Variants in KAZN observed in about 807,000 individuals in gnomAD.
KAZN encodes the protein kazrin.
Under a neutral mutation model 87.4 loss-of-function variants are expected in KAZN, and 40 were observed. The observed-to-expected ratio is 0.46, with a 90% CI of 0.36 to 0.60. The LOEUF is 0.60. Ranked by LOEUF, KAZN falls within the 20% of genes least tolerant of loss-of-function variation. The probability of loss-of-function intolerance (pLI) is 0.00; values close to 1 mark genes in which losing one functional copy is unlikely to be tolerated. For synonymous variants in KAZN, 466 were observed against 458.3 expected (o/e 1.02, Z -0.22); for missense variants, 898 against 1,073.9 (o/e 0.84, Z 2.29).
intron 1 of KAZN, among the ~76,000 whole-genome samples, chr1:14,879,772 T>C (rs1201007900): frequency 1.3e-5 from 2 of 152,282 alleles, no homozygotes; most frequent in East Asian, 1.9e-4. Context: ...CCCCACAGCA[T>C]GGACATGCCT....
At chr1:14,155,710 C>T (rs1330477245) in intron 1 of KAZN, among the ~76,000 whole-genome samples, 3 of 152,020 alleles carry the variant, frequency 2.0e-5, no homozygotes, top group African/African-American at 7.3e-5. Flanking sequence ...AGTGCAGTGG[C>T]ACCATCTTGG....
chr1:14,193,649 A>G (rs952523034), intron 2 of KAZN, among the ~76,000 whole-genome samples: 15 of 127,220 alleles, frequency 1.2e-4, no homozygotes, highest in Non-Finnish European at 1.7e-4. Flanking sequence ...ACAAACTAAG[A>G]AAGACTAAGG....
intron 1 of KAZN, among the ~76,000 whole-genome samples, chr1:14,834,223 A>G (rs1361394407): frequency 6.6e-6 from 1 of 151,866 alleles, no homozygotes; most frequent in Non-Finnish European, 1.5e-5. Context: ...TTTAGTAGAG[A>G]TGGGGTTTCA....
intron 2 of KAZN, among the ~76,000 whole-genome samples, chr1:14,290,179 A>G (rs1480102680): frequency 2.6e-5 from 4 of 152,086 alleles, no homozygotes; most frequent in Non-Finnish European, 5.9e-5. Flanking sequence ...CTCGAGGAGT[A>G]TCTTTGTGGT....
chr1:15,112,750 T>A, intron 14 of KAZN: 1 of 500,078 alleles, frequency 2.0e-6, no homozygotes, highest in Non-Finnish European at 3.7e-6. Flanking sequence ...CCCGCAGGGC[T>A]TCGAGTAGCA....
chr1:14,455,952 C>T (rs145782147), intron 2 of KAZN, among the ~76,000 whole-genome samples: 8 of 152,254 alleles, frequency 5.3e-5, no homozygotes, highest in African/African-American at 1.9e-4. Context: ...GAACAAGAGG[C>T]CACAAGTCAG....
At position 14,521,945 on chromosome 1, in the gene KAZN, T is replaced by A. The variant is rs190751163; in HGVS notation, c.250-77038T>A. Among the ~76,000 whole-genome samples, 4 of 152,346 alleles carry A rather than the reference T, an allele frequency of 2.6e-5. No individual in the cohort carries two copies. In the East Asian group the frequency reaches 7.7e-4, roughly 29 times the overall value. ...GACATCAGCACATTTCAGTGAGTAC[T>A]GTGGCTAAATTTGAAAGAATGTGAA... On this transcript the variant is annotated intron_variant, in intron 2 of 16. Coordinates refer to the KAZN transcript ENST00000636203.
At chr1:14,303,506 G>A (rs1654704695) in intron 2 of KAZN, among the ~76,000 whole-genome samples, 1 of 152,178 alleles carries the variant, frequency 6.6e-6, no homozygotes, top group African/African-American at 2.4e-5. Flanking sequence ...GCCTCCCAAA[G>A]TGCTGGGATT....
intron 1 of KAZN, among the ~76,000 whole-genome samples, chr1:14,851,449 C>A (rs1201843822): frequency 6.6e-6 from 1 of 152,208 alleles, no homozygotes; most frequent in Non-Finnish European, 1.5e-5. Flanking sequence ...CACCCCACAC[C>A]CTGTCCCAAG....
chr1:14,148,707 C>T (rs72643142), intron 1 of KAZN, among the ~76,000 whole-genome samples: 15,211 of 152,108 alleles, frequency 0.1, 789 homozygotes, highest in Middle Eastern at 0.13. Flanking sequence ...TGAGTTGATG[C>T]GAAAGCAGAT....
intron 1 of KAZN, among the ~76,000 whole-genome samples, chr1:14,865,520 G>A (rs1280512479): frequency 6.6e-6 from 1 of 152,120 alleles, no homozygotes. Context: ...CAGAAGCCTG[G>A]AGACTGCAAC....
chr1:14,772,566 A>G (rs1645049869), intron 1 of KAZN, among the ~76,000 whole-genome samples: 2 of 151,676 alleles, frequency 1.3e-5, no homozygotes, highest in South Asian at 4.2e-4. Flanking sequence ...CTAAGTGAAG[A>G]AGTGAGCTTG....
chr1:14,002,196 G>A (rs1219978506), intron 1 of KAZN, among the ~76,000 whole-genome samples: 1 of 152,220 alleles, frequency 6.6e-6, no homozygotes, highest in Non-Finnish European at 1.5e-5. Context: ...CAAAGGACAT[G>A]AACAGACCGT....
chr1:15,065,012 G>A (rs1212983093), intron 7 of KAZN, among the ~76,000 whole-genome samples: 15 of 150,062 alleles, frequency 1.0e-4, no homozygotes, highest in African/African-American at 3.7e-4. Context: ...CACCGTCCTT[G>A]GGGTCTTTTT....
At chr1:15,027,070 CTT>C (rs71000358) in intron 2 of KAZN, among the ~76,000 whole-genome samples, 162 of 56,078 alleles carry the variant, frequency 2.9e-3, no homozygotes, top group African/African-American at 6.1e-3. Flanking sequence ...GCCAGTGCTT[CTT>C]TTTTTTTTTT....
At chr1:14,862,555 C>A (rs1248566173) in intron 1 of KAZN, among the ~76,000 whole-genome samples, 1 of 152,122 alleles carries the variant, frequency 6.6e-6, no homozygotes, top group African/African-American at 2.4e-5. Flanking sequence ...TCAGGGGAGG[C>A]CTACTGACAG....
At chr1:14,616,733 G>A (rs1678273486) in intron 1 of KAZN, among the ~76,000 whole-genome samples, 2 of 152,230 alleles carry the variant, frequency 1.3e-5, no homozygotes, top group African/African-American at 4.8e-5. Context: ...TGCGATCTCA[G>A]GGTTGCCTTT....
intron 2 of KAZN, among the ~76,000 whole-genome samples, chr1:14,562,129 C>T (rs72647603): frequency 0.047 from 7,127 of 152,208 alleles, 255 homozygotes; most frequent in Non-Finnish European, 0.073. Flanking sequence ...TTTGAGGACA[C>T]ACGACTGCCA....
At chr1:14,478,828 G>A (rs1668916996) in intron 2 of KAZN, among the ~76,000 whole-genome samples, 1 of 152,160 alleles carries the variant, frequency 6.6e-6, no homozygotes, top group Non-Finnish European at 1.5e-5. Context: ...GTCCTGGTTT[G>A]GATTTCTCTG....
Sources: gnomAD v4.1 joint callset for allele counts (sites outside exome capture counted in the v4.1 genomes callset) on GRCh38, gnomAD v4.1.1 for gene constraint, MANE v1.5 for transcripts, NCBI Gene and HGNC (gene_info 2026-07-23, HGNC 2026-07-21) for gene names.